TNFAIP8: variants seen among roughly 807,000 people sequenced by gnomAD.
The protein encoded by TNFAIP8 is TNF alpha induced protein 8, also known as tumor necrosis factor alpha-induced protein 8.
In TNFAIP8, 7 loss-of-function variants were observed where a neutral mutation model predicts 13.3. The observed-to-expected ratio is 0.52, with a 90% confidence interval of 0.30 to 0.99. The LOEUF (loss-of-function observed/expected upper bound fraction) is 0.99, where lower values mean the gene tolerates loss of function less well. TNFAIP8 is among the 50% of genes least tolerant of loss of function. TNFAIP8 has a pLI of 0.07. For missense variants in TNFAIP8, 258 were observed against 236.9 expected (o/e 1.09, Z -0.58); for synonymous variants, 94 against 87.6 (o/e 1.07, Z -0.41).
At chr5:119,287,703 CA>C (rs1279098280) in intron 1 of TNFAIP8, among the ~76,000 whole-genome samples, 1 of 152,158 alleles carries the variant, frequency 6.6e-6, no homozygotes, top group African/African-American at 2.4e-5. Context: ...CCCGTGTTCT[CA>C]GTAAATATGT....
chr5:119,345,927 G>C (rs1456352455), intron 1 of TNFAIP8, among the ~76,000 whole-genome samples: 2 of 152,176 alleles, frequency 1.3e-5, no homozygotes, highest in Non-Finnish European at 1.5e-5. Context: ...AAAAAGAGAA[G>C]TAGTTCACTA....
intron 1 of TNFAIP8, among the ~76,000 whole-genome samples, chr5:119,319,287 G>C (rs1283985961): frequency 3.3e-5 from 5 of 152,148 alleles, no homozygotes; most frequent in Non-Finnish European, 5.9e-5. Context: ...AATAAGATAA[G>C]ATGAAATAAA....
At chr5:119,375,755 T>C (rs1752254748) in intron 1 of TNFAIP8, among the ~76,000 whole-genome samples, 1 of 152,192 alleles carries the variant, frequency 6.6e-6, no homozygotes, top group Admixed American at 6.5e-5. Flanking sequence ...AGTTTGCCGA[T>C]TTCAATAGAG....
chr5:119,288,843 G>A, intron 1 of TNFAIP8, among the ~76,000 whole-genome samples: 1 of 152,202 alleles, frequency 6.6e-6, no homozygotes, highest in Non-Finnish European at 1.5e-5. Context: ...CAAAGAGAGA[G>A]AAGGGCATTT....
At chr5:119,282,861 A>C (rs1748675052) in intron 1 of TNFAIP8, among the ~76,000 whole-genome samples, 1 of 152,184 alleles carries the variant, frequency 6.6e-6, no homozygotes, top group Non-Finnish European at 1.5e-5. Context: ...TTTGCAGGGC[A>C]CTACAAAATG....
upstream of TNFAIP8, among the ~76,000 whole-genome samples, chr5:119,351,160 C>G (rs182977112): frequency 7.9e-5 from 12 of 151,024 alleles, no homozygotes; most frequent in African/African-American, 2.9e-4. Context: ...GTGGCTAGGA[C>G]TACAGGCATG....
chr5:119,343,899 G>C (rs924754991), intron 1 of TNFAIP8, among the ~76,000 whole-genome samples: 1 of 152,170 alleles, frequency 6.6e-6, no homozygotes, highest in Non-Finnish European at 1.5e-5. Context: ...CATAAGGTTT[G>C]TCTCAAGTAA....
intron 1 of TNFAIP8, among the ~76,000 whole-genome samples, chr5:119,348,618 C>A (rs555401034): frequency 3.5e-4 from 53 of 152,214 alleles, no homozygotes; most frequent in Middle Eastern, 6.8e-3. Context: ...CGGAGTCTCA[C>A]GCTTGTAATC....
At chr5:119,351,893 G>T (rs547760686), upstream of TNFAIP8, among the ~76,000 whole-genome samples, 1 of 150,566 alleles carries the variant, frequency 6.6e-6, no homozygotes, top group Non-Finnish European at 1.5e-5. Context: ...GGGTTCAAGC[G>T]ATTCTTCTGC....
intron 1 of TNFAIP8, among the ~76,000 whole-genome samples, chr5:119,387,226 C>G (rs1366659330): frequency 3.3e-5 from 5 of 152,106 alleles, no homozygotes; most frequent in Admixed American, 2.0e-4. Flanking sequence ...TTCTTATCAC[C>G]AAAGCTGACT....
chr5:119,363,303 T>C (rs17145265), intron 1 of TNFAIP8, among the ~76,000 whole-genome samples: 57,040 of 152,062 alleles, frequency 0.38, 12,649 homozygotes, highest in African/African-American at 0.62. Flanking sequence ...GATGGGAATA[T>C]ATCATCAGTA....
intron 1 of TNFAIP8, among the ~76,000 whole-genome samples, chr5:119,385,669 GAGA>G (rs1752641741): frequency 6.6e-6 from 1 of 152,194 alleles, no homozygotes; most frequent in Non-Finnish European, 1.5e-5. Flanking sequence ...CATTATGAAA[GAGA>G]AGATGTAACT....
At chr5:119,377,084 A>C (rs879861118) in intron 1 of TNFAIP8, among the ~76,000 whole-genome samples, 2 of 152,214 alleles carry the variant, frequency 1.3e-5, no homozygotes, top group Non-Finnish European at 2.9e-5. Context: ...TGCCTGGCAC[A>C]TAACAGTTGC....
intron 1 of TNFAIP8, among the ~76,000 whole-genome samples, chr5:119,278,113 A>G (rs1400632336): frequency 1.3e-5 from 2 of 152,194 alleles, no homozygotes; most frequent in Admixed American, 1.3e-4. Flanking sequence ...GCAAATGCCA[A>G]TGAACAGTGA....
chr5:119,393,130 T>G lies in TNFAIP8; in HGVS notation c.346T>G (p.Phe116Val). The G allele has an allele frequency of 6.2e-7, 1 of 1,614,020 alleles. No homozygotes were observed. The highest frequency in any genetic ancestry group is 8.5e-7 in the Non-Finnish European group (1 of 1,179,886). ...VHQLAMTVVSFHQVDYTFDRN... is the reference protein window; with the variant it reads ...VHQLAMTVVSVHQVDYTFDRN... ...TCAGCTTGCTATGACCGTGGTCAGTTTCCATCAGGTGGATTATACCTTTGA... is the reference window on the plus strand; with the variant it reads ...TCAGCTTGCTATGACCGTGGTCAGTGTCCATCAGGTGGATTATACCTTTGA... Residue 116 changes from phenylalanine (F) to valine (V), a missense_variant, in exon 2 of 2, where the codon TTC becomes GTC. Phe to Val is a conservative substitution (Grantham distance 50). Coordinates refer to ENST00000504771, the MANE Select transcript of TNFAIP8 (RefSeq NM_014350.4).
chr5:119,272,554 T>C (rs1748321870), intron 1 of TNFAIP8, among the ~76,000 whole-genome samples: 1 of 152,272 alleles, frequency 6.6e-6, no homozygotes, highest in African/African-American at 2.4e-5. Context: ...TCTGCCAACA[T>C]CTGTTTCAAA....
rs1752990264 is a variant in TNFAIP8, at chr5:119,393,703, T to C, written c.*322T>C. ...ACTTTTTAATAGGGCAGTTGTTGTG[T>C]TGGTGGCACATTGGATATTTCTAAC... On this transcript the variant is annotated 3_prime_UTR_variant, in exon 2 of 2. Transcript: ENST00000504771. The C allele has an allele frequency of 3.8e-6, 1 of 260,226 alleles. No individual in the cohort carries two copies. The highest frequency in any genetic ancestry group is 2.2e-5 in the African/African-American group (1 of 45,306). 16.1% of individuals were successfully genotyped at this position (260,226 alleles called of 1,614,324 possible).
intron 1 of TNFAIP8, among the ~76,000 whole-genome samples, chr5:119,282,357 T>C (rs1748658228): frequency 6.6e-6 from 1 of 152,234 alleles, no homozygotes. Context: ...CTTTTTCTTA[T>C]TAGCCTGTTG....
At chr5:119,271,218 G>C (rs1407506185) in intron 1 of TNFAIP8, among the ~76,000 whole-genome samples, 2 of 152,144 alleles carry the variant, frequency 1.3e-5, no homozygotes, top group South Asian at 4.1e-4. Context: ...TGTGTGGAGA[G>C]GAATGATTGC....
Sources: gnomAD v4.1 joint callset for allele counts (sites outside exome capture counted in the v4.1 genomes callset) on GRCh38, gnomAD v4.1.1 for gene constraint, MANE v1.5 for transcripts, NCBI Gene and HGNC (gene_info 2026-07-23, HGNC 2026-07-21) for gene names.